VPS39: variants seen among roughly 807,000 people sequenced by gnomAD.
The protein encoded by VPS39 is vam6/Vps39-like protein.
A neutral mutation model predicts 121.0 loss-of-function variants in VPS39; 70 were observed. The ratio of observed to expected loss-of-function variants is 0.58; its 90% CI spans 0.48 to 0.71. VPS39 has a LOEUF of 0.71. Among genes scored for constraint, VPS39 ranks in the 30% least tolerant of loss-of-function variants. The probability of loss-of-function intolerance (pLI) is 0.00; values close to 1 mark genes in which losing one functional copy is unlikely to be tolerated. For missense variants in VPS39, 818 were observed against 1,051.5 expected (o/e 0.78, Z 3.07); for synonymous variants, 378 against 398.1 (o/e 0.95, Z 0.60).
At position 42,208,047 on chromosome 15, in the gene VPS39, G is replaced by C; in HGVS notation, c.73+34C>G. The stretch of plus-strand genomic sequence containing the variant: ...AAAAGATCCGGACCGCTCCTGTGCT[G>C]ACTCCGCCTCGGCCCCGCGGCCCCT... On this transcript the variant is annotated intron_variant, in intron 1 of 24. Coordinates refer to ENST00000318006, the MANE Select transcript of VPS39 (RefSeq NM_015289.5). The C allele has an allele frequency of 6.4e-7, 1 of 1,556,468 alleles. No individual in the cohort carries two copies. The highest frequency in any genetic ancestry group is 8.7e-7 in the Non-Finnish European group (1 of 1,149,224).
Position 42,205,702 on chromosome 15 carries a change from T to C in VPS39, c.73+2379A>G, listed in dbSNP as rs2050155155. Among the ~76,000 whole-genome samples the C allele has an allele frequency of 2.6e-5, 4 of 152,256 alleles. No homozygotes were observed. The South Asian group carries it at 8.3e-4, about 32-fold the overall frequency. On this transcript the variant is annotated intron_variant, in intron 1 of 24. Coordinates refer to ENST00000318006, the MANE Select transcript of VPS39 (RefSeq NM_015289.5). ...TGGAATCAGATTTAGGTTTTCAAAG[T>C]TTCACTCTACCTGGTAGACAAAAAA...
At chr15:42,184,449 C>T in intron 8 of VPS39, 68 bp downstream of exon 8, 2 of 1,489,746 alleles carry the variant, frequency 1.3e-6, no homozygotes, top group Non-Finnish European at 1.8e-6. Flanking sequence ...ACGAATGGGA[C>T]TCCGTTCTGC....
At chr15:42,193,308 T>G (rs2049868605) in intron 2 of VPS39, among the ~76,000 whole-genome samples, 1 of 152,238 alleles carries the variant, frequency 6.6e-6, no homozygotes, top group East Asian at 1.9e-4. Flanking sequence ...CTTCTGCATT[T>G]AATCTGTTTT....
intron 5 of VPS39, among the ~76,000 whole-genome samples, 190 bp downstream of exon 5, chr15:42,188,924 C>T (rs756340970): frequency 6.6e-6 from 1 of 152,036 alleles, no homozygotes; most frequent in Non-Finnish European, 1.5e-5. Context: ...CGAGATCGTG[C>T]CACTACACTC....
intron 11 of VPS39, among the ~76,000 whole-genome samples, chr15:42,171,308 G>A (rs1207321790): frequency 1.3e-5 from 2 of 152,210 alleles, no homozygotes; most frequent in Non-Finnish European, 2.9e-5. Flanking sequence ...AAGTGAGATG[G>A]AAGCCTCCCT....
chr15:42,172,542 T>C (rs750973109), intron 11 of VPS39, among the ~76,000 whole-genome samples: 1 of 152,158 alleles, frequency 6.6e-6, no homozygotes, highest in Non-Finnish European at 1.5e-5. Context: ...TTTGGGGAGA[T>C]TTCTTACGTA....
intron 7 of VPS39, among the ~76,000 whole-genome samples, chr15:42,185,143 G>A (rs963032252): frequency 6.6e-6 from 1 of 151,478 alleles, no homozygotes; most frequent in Non-Finnish European, 1.5e-5. Context: ...AAATGTCTTA[G>A]ATGCTTATTC....
At chr15:42,163,539 T>C in intron 20 of VPS39, 87 bp downstream of exon 20, 3 of 1,505,878 alleles carry the variant, frequency 2.0e-6, no homozygotes, top group South Asian at 1.2e-5. Context: ...CGCAGTGGAG[T>C]ATGGGGAGAT....
chr15:42,164,883 T>C (rs2049210725), intron 18 of VPS39, 113 bp downstream of exon 18: 1 of 1,510,540 alleles, frequency 6.6e-7, no homozygotes, highest in Non-Finnish European at 8.8e-7. Context: ...TCAGAACTTC[T>C]GCGCACCTGG....
intron 7 of VPS39, among the ~76,000 whole-genome samples, chr15:42,185,676 A>G (rs2049686472): frequency 6.6e-6 from 1 of 152,202 alleles, no homozygotes; most frequent in Non-Finnish European, 1.5e-5. Context: ...GACATTCTGG[A>G]AAAGGCAAAG....
intron 17 of VPS39, 57 bp downstream of exon 17, chr15:42,165,661 A>G: frequency 7.2e-7 from 1 of 1,396,912 alleles, no homozygotes; most frequent in Non-Finnish European, 1.0e-6. Flanking sequence ...TAACAGAACC[A>G]CGCAGTCCTG....
At chr15:42,175,531 C>T (rs1297734225) in intron 10 of VPS39, among the ~76,000 whole-genome samples, 2 of 152,138 alleles carry the variant, frequency 1.3e-5, no homozygotes, top group Non-Finnish European at 2.9e-5. Context: ...TTGCTTCTTC[C>T]TCATAACCTA....
rs1436776209 is a variant in VPS39, at chr15:42,191,125, C to A, written c.247G>T (p.Glu83Ter). Residue 83 changes from glutamate (E) to a stop codon, truncating the protein, a stop_gained and splice_region_variant, in exon 4 of 25, where the codon GAA becomes TAA. Coordinates refer to ENST00000318006, the MANE Select transcript of VPS39 (RefSeq NM_015289.5). LOFTEE classifies it high-confidence loss of function. Reference sequence around the variant, plus strand: ...ATACAAATGCAACTCCTTTTCTTACCTAACAAGCTGACCAGAATCTTAAAC... The same window carrying A: ...ATACAAATGCAACTCCTTTTCTTACATAACAAGCTGACCAGAATCTTAAAC... ...SQFKILVSLLENNIYVHDLLT... is the reference protein window; with the variant it reads ...SQFKILVSLL 1 of 1,613,924 alleles carries A rather than the reference C, an allele frequency of 6.2e-7. No individual in the cohort carries two copies. The highest frequency in any genetic ancestry group is 8.5e-7 in the Non-Finnish European group (1 of 1,179,962).
At chr15:42,190,949 G>C (rs977568984) in intron 4 of VPS39, among the ~76,000 whole-genome samples, 176 bp downstream of exon 4, 1 of 152,228 alleles carries the variant, frequency 6.6e-6, no homozygotes. Flanking sequence ...TTGGAGAGAA[G>C]AGTTCGAGTC....
chr15:42,162,111 T>A lies in VPS39; in HGVS notation c.2381A>T (p.Glu794Val). The part of the protein sequence containing the change: ...TQINDIRIFL[E>V]KVLEENAQKK... ...TTGTGCATTTTCTTCCAAGACCTTT[T>A]CCAGGAAGATGCGTATGTCATTGAT... The change falls in exon 23 of 25, where the codon GAA becomes GTA. Residue 794 changes from glutamate to valine, a missense_variant. Physicochemically the swap from Glu to Val is moderately radical, Grantham distance 121. Transcript: ENST00000318006. The A allele has an allele frequency of 1.2e-6, 2 of 1,614,230 alleles. No individual in the cohort carries two copies. The highest frequency in any genetic ancestry group is 1.7e-6 in the Non-Finnish European group (2 of 1,180,044).
At chr15:42,171,645 C>T (rs1336883384) in intron 11 of VPS39, among the ~76,000 whole-genome samples, 1 of 152,234 alleles carries the variant, frequency 6.6e-6, no homozygotes. Flanking sequence ...GCATACAATT[C>T]AGTGGCATTA....
chr15:42,165,120 C>T lies in VPS39; in HGVS notation c.1780-7G>A. On this transcript the variant is annotated splice_region_variant and splice_polypyrimidine_tract_variant and intron_variant, in intron 17 of 24. Coordinates refer to ENST00000318006, the MANE Select transcript of VPS39 (RefSeq NM_015289.5). Reference sequence around the variant, plus strand: ...AAACATGGATGATGTGTTCCTGAGGCAAGATGTAGGTCTTTGTCACTGGTA... The same window carrying T: ...AAACATGGATGATGTGTTCCTGAGGTAAGATGTAGGTCTTTGTCACTGGTA... 2 of 1,613,720 alleles carry T rather than the reference C, an allele frequency of 1.2e-6. No individual in the cohort carries two copies. Among genetic ancestry groups the T allele is most frequent in the African/African-American group, 1.3e-5 (1 of 75,032 alleles).
chr15:42,178,628 T>A, intron 8 of VPS39, 58 bp from the exon 9 acceptor site: 1 of 1,597,160 alleles, frequency 6.3e-7, no homozygotes, highest in South Asian at 1.1e-5. Flanking sequence ...GTTTATGGAG[T>A]GTTTCAGCTG....
At chr15:42,188,864 G>A (rs1408150084) in intron 5 of VPS39, among the ~76,000 whole-genome samples, 3 of 152,136 alleles carry the variant, frequency 2.0e-5, no homozygotes, top group Non-Finnish European at 4.4e-5. Context: ...TACACAGGAG[G>A]CTGAGGCAAG....
Sources: gnomAD v4.1 joint callset for allele counts (sites outside exome capture counted in the v4.1 genomes callset) on GRCh38, gnomAD v4.1.1 for gene constraint, MANE v1.5 for transcripts, NCBI Gene and HGNC (gene_info 2026-07-23, HGNC 2026-07-21) for gene names.